Variants in PVT1 observed in about 807,000 individuals in gnomAD.
PVT1 encodes the protein Pvt1 oncogene.
At chr8:127,927,972 G>A (rs1162075113) in intron 3 of PVT1, among the ~76,000 whole-genome samples, 5 of 152,186 alleles carry the variant, frequency 3.3e-5, no homozygotes, top group Admixed American at 6.5e-5. Flanking sequence ...AAGGGCTGTC[G>A]TCCCCTCTGG....
chr8:128,045,174 C>T (rs1201203221), intron 4 of PVT1, among the ~76,000 whole-genome samples: 1 of 152,180 alleles, frequency 6.6e-6, no homozygotes, highest in East Asian at 1.9e-4. Context: ...GAGCTCCTGC[C>T]CTATCACTGG....
intron 2 of PVT1, among the ~76,000 whole-genome samples, chr8:127,836,273 TC>T (rs1227527297): frequency 6.6e-6 from 1 of 152,228 alleles, no homozygotes; most frequent in East Asian, 1.9e-4. Context: ...AGTGGGTGGT[TC>T]ATACATATTC....
At chr8:127,897,282 C>T (rs997318467) in intron 3 of PVT1, among the ~76,000 whole-genome samples, 1 of 152,186 alleles carries the variant, frequency 6.6e-6, no homozygotes. Context: ...ATTTGGGCCT[C>T]TTCCCTACAG....
intron 2 of PVT1, chr8:127,854,836 A>C (rs996706749): frequency 2.9e-5 from 7 of 239,864 alleles, no homozygotes; most frequent in African/African-American, 1.6e-4. Flanking sequence ...ACGCAATACC[A>C]TGAAGAAGCA....
Position 127,798,710 on chromosome 8 carries a change from A to G in PVT1, n.372+2639A>G, listed in dbSNP as rs1002932195. On this transcript the variant is annotated intron_variant and non_coding_transcript_variant, in intron 2 of 10. Coordinates refer to ENST00000651587, the Ensembl canonical transcript of PVT1. ...CCTGTCTCTACTAAAAATACAAAAAAAAAAAAAAAAAAAAAATTAGCCCGG... is the reference window on the plus strand; with the variant it reads ...CCTGTCTCTACTAAAAATACAAAAAGAAAAAAAAAAAAAAAATTAGCCCGG... 3.0e-3 allele frequency among the ~76,000 whole-genome samples: 321 copies of G among 108,704 alleles called. 2 individuals are homozygous for G. Among genetic ancestry groups the G allele is most frequent in the African/African-American group, 8.2e-3 (298 of 36,528 alleles). 71.3% of individuals were successfully genotyped at this position (108,704 alleles called of 152,430 possible).
In PVT1 at chr8:127,902,718, A is replaced by G. The variant is rs118146134; in HGVS notation, n.782+11720A>G. On this transcript the variant is annotated intron_variant and non_coding_transcript_variant, in intron 3 of 10. Transcript: ENST00000651587. ...TTTCTGTTTCAGCATTAGTTTGCTT[A>G]TGATAATGGCCTCCAGCTGCATCCA... is the stretch of plus-strand genomic sequence containing the variant. 3.3e-4 allele frequency among the ~76,000 whole-genome samples: 50 copies of G among 152,266 alleles called. No individual in the cohort carries two copies. In the East Asian group the frequency reaches 6.6e-3, roughly 20 times the overall value.
At chr8:128,092,931 T>A (rs1315579537) in intron 5 of PVT1, among the ~76,000 whole-genome samples, 2 of 152,206 alleles carry the variant, frequency 1.3e-5, no homozygotes, top group Non-Finnish European at 2.9e-5. Context: ...TTCTTTCTGC[T>A]TCTTGCTGCG....
chr8:127,875,436 A>G (rs1168491449), intron 2 of PVT1, among the ~76,000 whole-genome samples: 1 of 151,920 alleles, frequency 6.6e-6, no homozygotes, highest in African/African-American at 2.4e-5. Flanking sequence ...TAAGAGGAAT[A>G]CTTCATCATT....
intron 4 of PVT1, among the ~76,000 whole-genome samples, chr8:128,068,024 C>A (rs980169448): frequency 6.7e-6 from 1 of 150,026 alleles, no homozygotes; most frequent in African/African-American, 2.5e-5. Flanking sequence ...TTAAAGAATG[C>A]CCAAATCCCA....
chr8:127,988,711 C>T (rs969164855), intron 3 of PVT1, among the ~76,000 whole-genome samples: 1 of 152,184 alleles, frequency 6.6e-6, no homozygotes, highest in Non-Finnish European at 1.5e-5. Context: ...CTCACATGAT[C>T]CCCACCATGT....
intron 4 of PVT1, among the ~76,000 whole-genome samples, chr8:128,043,464 T>C (rs1357426646): frequency 6.6e-6 from 1 of 152,156 alleles, no homozygotes; most frequent in East Asian, 1.9e-4. Flanking sequence ...GACTGGAAGC[T>C]GGGTCACAAG....
intron 3 of PVT1, among the ~76,000 whole-genome samples, chr8:127,912,515 G>A (rs1214580319): frequency 1.3e-5 from 2 of 152,216 alleles, no homozygotes; most frequent in African/African-American, 4.8e-5. Context: ...TGGAAGGGCA[G>A]CAGCCTCCTG....
chr8:128,012,427 T>C (rs1052509941), intron 4 of PVT1, among the ~76,000 whole-genome samples: 2 of 152,210 alleles, frequency 1.3e-5, no homozygotes, highest in African/African-American at 4.8e-5. Flanking sequence ...TAGAACCAGC[T>C]TTTATTGTTC....
chr8:127,802,793 G>T (rs1446272163), intron 2 of PVT1, among the ~76,000 whole-genome samples: 1 of 152,148 alleles, frequency 6.6e-6, no homozygotes, highest in East Asian at 1.9e-4. Context: ...TTTCCAGTGT[G>T]GGAGGGAGGC....
chr8:128,091,747 A>G (rs1250527098), intron 5 of PVT1, among the ~76,000 whole-genome samples: 1 of 152,232 alleles, frequency 6.6e-6, no homozygotes, highest in Non-Finnish European at 1.5e-5. Flanking sequence ...ATACATTTAT[A>G]AGATGTAATA....
intron 2 of PVT1, among the ~76,000 whole-genome samples, chr8:127,814,645 TG>T (rs1814639355): frequency 3.3e-5 from 5 of 152,264 alleles, no homozygotes; most frequent in African/African-American, 1.2e-4. Flanking sequence ...TTAATTTTTA[TG>T]TGTAAAATGT....
chr8:128,017,536 A>G (rs1213055420), intron 4 of PVT1, among the ~76,000 whole-genome samples: 2 of 150,986 alleles, frequency 1.3e-5, no homozygotes, highest in African/African-American at 4.9e-5. Context: ...GGTTCAAGTG[A>G]TCCTCCCACC....
At chr8:127,878,331 A>AT (rs1301665163) in intron 2 of PVT1, among the ~76,000 whole-genome samples, 17 of 152,178 alleles carry the variant, frequency 1.1e-4, no homozygotes, top group Non-Finnish European at 4.4e-5. Context: ...AGCTTTTCCT[A>AT]TATTGAGGAT....
At chr8:127,925,725 T>C (rs546984067) in intron 3 of PVT1, among the ~76,000 whole-genome samples, 1 of 152,272 alleles carries the variant, frequency 6.6e-6, no homozygotes, top group Admixed American at 6.5e-5. Context: ...CACCGCAACC[T>C]CTGCCTCCTG....
Sources: allele counts gnomAD v4.1 joint callset (sites outside exome capture counted in the v4.1 genomes callset), GRCh38; gene constraint gnomAD v4.1.1; transcripts MANE v1.5; gene names NCBI Gene and HGNC (gene_info 2026-07-23, HGNC 2026-07-21).